KIF13A: variants seen among roughly 807,000 people sequenced by gnomAD.
KIF13A encodes kinesin-like protein KIF13A.
Under a neutral mutation model 212.2 loss-of-function variants are expected in KIF13A, and 79 were observed. The ratio of observed to expected loss-of-function variants is 0.37; its 90% CI spans 0.31 to 0.45. The LOEUF (loss-of-function observed/expected upper bound fraction) is 0.45, where lower values mean the gene tolerates loss of function less well. Ranked by LOEUF, KIF13A falls within the 20% of genes least tolerant of loss-of-function variation. The pLI, the probability that KIF13A is intolerant of heterozygous loss-of-function variation, is 1.00. For synonymous variants in KIF13A, 789 were observed against 808.6 expected (o/e 0.98, Z 0.41); for missense variants, 1,901 against 2,209.0 (o/e 0.86, Z 2.79).
Position 17,855,667 on chromosome 6 carries a change from GC to G in KIF13A, c.314-51del. Reference sequence around the variant, plus strand: ...GAACAGGTAGAGGAGGGAGCAAAATGCAATGCTTCAACCATACAAGGTTTCC... The same window carrying G: ...GAACAGGTAGAGGAGGGAGCAAAATGAATGCTTCAACCATACAAGGTTTCC... On this transcript the variant is annotated intron_variant, in intron 5 of 38. Coordinates refer to ENST00000259711, the MANE Select transcript of KIF13A (RefSeq NM_022113.6). This position sits in a 1 kb window ranked among gnomAD's most constrained non-coding sequence, Gnocchi z 4.1. 2.1e-6 allele frequency: 3 copies of G among 1,423,468 alleles called. No homozygotes were observed. The South Asian group carries it at 3.9e-5, about 19-fold the overall frequency. 88.2% of individuals were successfully genotyped at this position (1,423,468 alleles called of 1,614,324 possible). A position where few individuals can be genotyped will look rare whatever the true frequency, so the allele number is the denominator to read the frequency against.
rs1769203857 is a variant in KIF13A, at chr6:17,864,880, C to T, written c.220+8497G>A. 1.3e-5 allele frequency among the ~76,000 whole-genome samples: 2 copies of T among 152,162 alleles called. 1 individual carries two copies. The highest frequency in any genetic ancestry group is 4.1e-4 in the South Asian group (2 of 4,824). ...TAGAACAGCAGCAATAGGCTCAAAG[C>T]CACCATGTGTGTGTACTGGGAGATG... On this transcript the variant is annotated intron_variant, in intron 4 of 38. Coordinates refer to ENST00000259711, the MANE Select transcript of KIF13A (RefSeq NM_022113.6).
rs1158885597 is a variant in KIF13A, at chr6:17,947,550, T to C, written c.146+39504A>G. ...TAGTCTTAGAAAATACACCAAGAGC[T>C]GGGCGTGGTAGCTCACGCCTGTAAT... is the stretch of plus-strand genomic sequence containing the variant. On this transcript the variant is annotated intron_variant, in intron 2 of 38. Coordinates refer to ENST00000259711, the MANE Select transcript of KIF13A (RefSeq NM_022113.6). This position sits in a 1 kb window ranked among gnomAD's most constrained non-coding sequence, Gnocchi z 4.6. Among the ~76,000 whole-genome samples the C allele has an allele frequency of 6.6e-6, 1 of 152,078 alleles. No individual in the cohort carries two copies. Among genetic ancestry groups the C allele is most frequent in the Non-Finnish European group, 1.5e-5 (1 of 67,996 alleles).
rs1341876211 is a variant in KIF13A at position 17,951,342 on chromosome 6, G to A, written c.146+35712C>T. 1 of 639,512 alleles carries A rather than the reference G, an allele frequency of 1.6e-6. No individual in the cohort carries two copies. The highest frequency in any genetic ancestry group is 2.8e-6 in the Non-Finnish European group (1 of 354,982). 39.6% of individuals were successfully genotyped at this position (639,512 alleles called of 1,614,324 possible). ...GATGGGGTTTTGCCATGTTGCAAAG[G>A]CTGGTCTTGAAATCCTCGGCTCAAG... On this transcript the variant is annotated intron_variant, in intron 2 of 38. Coordinates refer to ENST00000259711, the MANE Select transcript of KIF13A (RefSeq NM_022113.6). The surrounding 1 kb of genome is among the most constrained non-coding windows in gnomAD (Gnocchi z 4.9).
intron 6 of KIF13A, among the ~76,000 whole-genome samples, chr6:17,853,485 C>T (rs1767855098): frequency 6.6e-6 from 1 of 152,122 alleles, no homozygotes; most frequent in South Asian, 2.1e-4. Context: ...TACAATTCCA[C>T]CCCTAGATGT....
chr6:17,883,792 C>G lies in KIF13A; in HGVS notation c.160-10355G>C, dbSNP rs1420244010. On this transcript the variant is annotated intron_variant, in intron 3 of 38. Transcript: ENST00000259711. The surrounding 1 kb of genome is among the most constrained non-coding windows in gnomAD (Gnocchi z 4.8). ...GAGAGCCAGGTGCAATGGTATGCAC[C>G]TGCAGTCCCAGCTGCTTGTGAGGCT... is the stretch of plus-strand genomic sequence containing the variant. 6.6e-6 allele frequency among the ~76,000 whole-genome samples: 1 copy of G among 152,050 alleles called. No homozygotes were observed. Among genetic ancestry groups the G allele is most frequent in the African/African-American group, 2.4e-5 (1 of 41,390 alleles).
rs1243180304 is a variant in KIF13A at position 17,971,520 on chromosome 6, C to T, written c.146+15534G>A. 6.6e-6 allele frequency among the ~76,000 whole-genome samples: 1 copy of T among 152,022 alleles called. No individual in the cohort carries two copies. The highest frequency in any genetic ancestry group is 2.4e-5 in the African/African-American group (1 of 41,376). On this transcript the variant is annotated intron_variant, in intron 2 of 38. Coordinates refer to ENST00000259711, the MANE Select transcript of KIF13A (RefSeq NM_022113.6). This position sits in a 1 kb window ranked among gnomAD's most constrained non-coding sequence, Gnocchi z 4.2. The stretch of plus-strand genomic sequence containing the variant: ...CACTGCAGCCTAGACCTTCTGCATT[C>T]AAGTGATCCTCCCATTTCAGCCCTG...
rs1016619300 is a variant in KIF13A at position 17,777,539 on chromosome 6, C to G, written c.4093-185G>C. Among the ~76,000 whole-genome samples the G allele has an allele frequency of 6.6e-6, 1 of 152,044 alleles. No individual in the cohort carries two copies. Among genetic ancestry groups the G allele is most frequent in the Non-Finnish European group, 1.5e-5 (1 of 68,012 alleles). On this transcript the variant is annotated intron_variant, in intron 33 of 38. Transcript: ENST00000259711. The surrounding 1 kb of genome is among the most constrained non-coding windows in gnomAD (Gnocchi z 4.4). ...GGGACTACAGGTGCACGCCACCACA[C>G]TCGGCTAATTTTTTTTTGTATTTTA...
intron 2 of KIF13A, among the ~76,000 whole-genome samples, chr6:17,931,093 C>T (rs898438729): frequency 3.3e-5 from 5 of 152,190 alleles, no homozygotes; most frequent in Admixed American, 3.3e-4. Context: ...TGTGATGTTA[C>T]ACACTTATTA....
At chr6:17,766,388 CGCCA>C in intron 38 of KIF13A, among the ~76,000 whole-genome samples, 1 of 151,506 alleles carries the variant, frequency 6.6e-6, no homozygotes, top group East Asian at 1.9e-4. Context: ...TACAGGCATG[CGCCA>C]GCATGCCAGG....
At chr6:17,956,872 C>T (rs2150579944) in intron 2 of KIF13A, among the ~76,000 whole-genome samples, 1 of 146,566 alleles carries the variant, frequency 6.8e-6, no homozygotes, top group South Asian at 2.2e-4. Context: ...GAGATCACAA[C>T]CTTTCTGTTC....
chr6:17,925,185 G>A (rs550247544), intron 2 of KIF13A, among the ~76,000 whole-genome samples: 3 of 152,222 alleles, frequency 2.0e-5, no homozygotes, highest in Non-Finnish European at 4.4e-5. Flanking sequence ...CGCATGCCTG[G>A]AGACGAAGAT....
intron 18 of KIF13A, among the ~76,000 whole-genome samples, chr6:17,807,885 C>A (rs986725950): frequency 3.9e-5 from 6 of 152,146 alleles, no homozygotes; most frequent in Non-Finnish European, 8.8e-5. Flanking sequence ...ATAGAAAGAA[C>A]CTACAATGAA....
intron 2 of KIF13A, chr6:17,950,998 C>T (rs1777797189): frequency 6.1e-6 from 6 of 982,338 alleles, no homozygotes; most frequent in Non-Finnish European, 7.3e-6. Flanking sequence ...GAATATAACA[C>T]TATTGAACAT....
intron 17 of KIF13A, chr6:17,812,057 A>T (rs922999788): frequency 6.6e-6 from 1 of 152,222 alleles, no homozygotes; most frequent in Admixed American, 6.5e-5. Context: ...TAAGAATTTA[A>T]GCCCCAAAGA....
Position 17,963,334 on chromosome 6 carries a change from C to T in KIF13A, c.146+23720G>A, listed in dbSNP as rs942319275. On this transcript the variant is annotated intron_variant, in intron 2 of 38. Coordinates refer to ENST00000259711, the MANE Select transcript of KIF13A (RefSeq NM_022113.6). This position sits in a 1 kb window ranked among gnomAD's most constrained non-coding sequence, Gnocchi z 4.1. Reference sequence around the variant, plus strand: ...TCGGGAGGCTGACGCAGGAGAATCACTTGAACCTGGGAGGGAGAGGCTGCA... The same window carrying T: ...TCGGGAGGCTGACGCAGGAGAATCATTTGAACCTGGGAGGGAGAGGCTGCA... Among the ~76,000 whole-genome samples, 6 of 152,184 alleles carry T rather than the reference C, an allele frequency of 3.9e-5. No individual in the cohort carries two copies. Among genetic ancestry groups the T allele is most frequent in the African/African-American group, 1.2e-4 (5 of 41,450 alleles).
In KIF13A at chr6:17,763,903, G is replaced by A. The variant is rs752833874; in HGVS notation, c.*207C>T. The A allele has an allele frequency of 4.9e-6, 7 of 1,417,766 alleles. No individual in the cohort carries two copies. In the East Asian group the frequency reaches 1.8e-4, roughly 37 times the overall value. The allele number at this position is 1,417,766 out of a possible 1,614,324, so 87.8% of individuals were successfully genotyped here. ...CACTTCATTCAACACCAACCCATGT[G>A]CCAGGTAAAAAAATCCACTGGTCTT... On this transcript the variant is annotated 3_prime_UTR_variant, in exon 39 of 39. Transcript: ENST00000259711.
Position 17,789,731 on chromosome 6 carries a change from T to TA in KIF13A, c.3261+140dup. On this transcript the variant is annotated intron_variant, in intron 26 of 38. Transcript: ENST00000259711. The surrounding 1 kb of genome is among the most constrained non-coding windows in gnomAD (Gnocchi z 4.8). ...AAATAATATTGTGTTTGAATACATATAAAGCAAATCAAAAGCAAGTGAAAA... is the reference window on the plus strand; with the variant it reads ...AAATAATATTGTGTTTGAATACATATAAAAGCAAATCAAAAGCAAGTGAAAA... 4.7e-6 allele frequency: 3 copies of TA among 632,520 alleles called. No homozygotes were observed. The highest frequency in any genetic ancestry group is 8.4e-6 in the Non-Finnish European group (3 of 357,510). 39.2% of individuals were successfully genotyped at this position (632,520 alleles called of 1,614,324 possible).
In KIF13A at chr6:17,794,890, C is replaced by G. The variant is rs1441140154; in HGVS notation, c.2943-186G>C. On this transcript the variant is annotated intron_variant, in intron 23 of 38. Transcript: ENST00000259711. This position sits in a 1 kb window ranked among gnomAD's most constrained non-coding sequence, Gnocchi z 4.1. ...ATATTGTTTCTTTTTATTTATTTTA[C>G]TGAGGTAGACTGAAATGTCCACATC... 1 of 574,414 alleles carries G rather than the reference C, an allele frequency of 1.7e-6. No individual in the cohort carries two copies. Among genetic ancestry groups the G allele is most frequent in the East Asian group, 3.0e-5 (1 of 33,578 alleles). The allele number at this position is 574,414 out of a possible 1,614,324, so 35.6% of individuals were successfully genotyped here.
At position 17,982,455 on chromosome 6, in the gene KIF13A, T is replaced by G; in HGVS notation, c.146+4599A>C. On this transcript the variant is annotated intron_variant, in intron 2 of 38. Transcript: ENST00000259711. The surrounding 1 kb of genome is among the most constrained non-coding windows in gnomAD (Gnocchi z 5.1). Reference sequence around the variant, plus strand: ...TTCAGACAGGGATACCGCTGGTGAATAAACTAAAAAATACATACAAAGTTT... The same window carrying G: ...TTCAGACAGGGATACCGCTGGTGAAGAAACTAAAAAATACATACAAAGTTT... 4.1e-5 allele frequency: 40 copies of G among 983,988 alleles called. No homozygotes were observed. Among genetic ancestry groups the G allele is most frequent in the Non-Finnish European group, 4.8e-5 (40 of 828,632 alleles). 61.0% of individuals were successfully genotyped at this position (983,988 alleles called of 1,614,324 possible). A position where few individuals can be genotyped will look rare whatever the true frequency, so the allele number is the denominator to read the frequency against.
Sources: gnomAD v4.1 joint callset for allele counts (sites outside exome capture counted in the v4.1 genomes callset) on GRCh38, gnomAD v4.1.1 for gene constraint, Gnocchi (gnomAD v3.1) non-coding constraint, MANE v1.5 for transcripts, NCBI Gene and HGNC (gene_info 2026-07-23, HGNC 2026-07-21) for gene names.